Variants in ATP6V1C2 observed in about 807,000 individuals in gnomAD.
ATP6V1C2 encodes V-type proton ATPase subunit C 2.
A neutral mutation model predicts 56.8 loss-of-function variants in ATP6V1C2; 45 were observed. That is an observed-to-expected ratio of 0.79 (90% confidence interval 0.62 to 1.02). ATP6V1C2 has a LOEUF of 1.02. ATP6V1C2 is among the 50% of genes least tolerant of loss of function. The probability of loss-of-function intolerance (pLI) is 0.00; values close to 1 mark genes in which losing one functional copy is unlikely to be tolerated. For synonymous variants in ATP6V1C2, 220 were observed against 201.3 expected, an observed-to-expected ratio of 1.09 and a Z score of -0.79; for missense variants, 463 against 519.7, an observed-to-expected ratio of 0.89 and a Z score of 1.06.
At chr2:10,731,699 C>T (rs952692575) in intron 3 of ATP6V1C2, among the ~76,000 whole-genome samples, 1 of 152,132 alleles carries the variant, frequency 6.6e-6, no homozygotes, top group African/African-American at 2.4e-5. Flanking sequence ...CTGGGCCAAG[C>T]GCAGTAGCTC....
intron 5 of ATP6V1C2, among the ~76,000 whole-genome samples, chr2:10,766,135 C>T (rs754613079): frequency 7.0e-4 from 107 of 152,256 alleles, no homozygotes; most frequent in Admixed American, 6.5e-4. Context: ...CCAGAGCCTG[C>T]GGATTGTGCT....
In ATP6V1C2 at chr2:10,768,914, TGA is replaced by T. The variant is rs1405622524; in HGVS notation, c.470+108_470+109del. Reference sequence around the variant, plus strand: ...CCACCTGGGAGTCTGTGCCCATGCATGAGAGTGAGACAGACAGACAGGTGGAG... The same window carrying T: ...CCACCTGGGAGTCTGTGCCCATGCATGAGTGAGACAGACAGACAGGTGGAG... On this transcript the variant is annotated intron_variant, in intron 6 of 13. Transcript: ENST00000272238. The T allele has an allele frequency of 5.6e-6, 5 of 890,494 alleles. No individual in the cohort carries two copies. The African/African-American group carries it at 8.2e-5, about 15-fold the overall frequency. 55.2% of individuals were successfully genotyped at this position (890,494 alleles called of 1,614,324 possible). A position where few individuals can be genotyped will look rare whatever the true frequency, so the allele number is the denominator to read the frequency against.
chr2:10,724,357 A>G (rs1281153547), intron 2 of ATP6V1C2, among the ~76,000 whole-genome samples: 1 of 152,072 alleles, frequency 6.6e-6, no homozygotes, highest in Non-Finnish European at 1.5e-5. Flanking sequence ...GAAATGCATC[A>G]CCGGGAAGCT....
At chr2:10,769,303 C>T in intron 6 of ATP6V1C2, among the ~76,000 whole-genome samples, 1 of 152,216 alleles carries the variant, frequency 6.6e-6, no homozygotes, top group East Asian at 1.9e-4. Flanking sequence ...ACAGACAGAA[C>T]AGTCACCAGG....
intron 6 of ATP6V1C2, among the ~76,000 whole-genome samples, chr2:10,770,940 T>A (rs1664561352): frequency 6.6e-6 from 1 of 152,186 alleles, no homozygotes; most frequent in Non-Finnish European, 1.5e-5. Context: ...GAAAGTTGGC[T>A]TCGTGTTGGG....
intron 4 of ATP6V1C2, among the ~76,000 whole-genome samples, chr2:10,754,311 C>T (rs554095409): frequency 1.3e-5 from 2 of 152,136 alleles, no homozygotes; most frequent in Non-Finnish European, 2.9e-5. Context: ...CTGCAACCTC[C>T]GCCGCCCGGG....
At position 10,784,793 on chromosome 2, in the gene ATP6V1C2, G is replaced by T; in HGVS notation, c.*1530G>T. The T allele has an allele frequency of 1.6e-6, 1 of 621,342 alleles. No individual in the cohort carries two copies. The allele number at this position is 621,342 out of a possible 1,614,324, so 38.5% of individuals were successfully genotyped here. The stretch of plus-strand genomic sequence containing the variant: ...TGATAAGGAAGATGAAGGGTCTTCA[G>T]AGAAGAACCTCTTAAAAGGCCCACG... On this transcript the variant is annotated 3_prime_UTR_variant, in exon 14 of 14. Coordinates refer to ENST00000272238, the MANE Select transcript of ATP6V1C2 (RefSeq NM_001039362.2).
intron 6 of ATP6V1C2, among the ~76,000 whole-genome samples, chr2:10,770,254 C>T (rs1461437967): frequency 2.6e-5 from 4 of 152,020 alleles, no homozygotes; most frequent in African/African-American, 9.7e-5. Flanking sequence ...CAAAATTAGC[C>T]GTGCGTCATG....
chr2:10,757,035 G>A (rs946597015), intron 4 of ATP6V1C2, among the ~76,000 whole-genome samples: 3 of 87,640 alleles, frequency 3.4e-5, no homozygotes, highest in Admixed American at 1.6e-4. Flanking sequence ...TTTTTTTTGA[G>A]ACAGTCTCAC....
intron 5 of ATP6V1C2, among the ~76,000 whole-genome samples, chr2:10,767,031 A>G (rs1302743460): frequency 1.3e-5 from 2 of 152,144 alleles, no homozygotes; most frequent in Non-Finnish European, 2.9e-5. Context: ...TAAAAGTTTT[A>G]AAAAAATTAT....
At chr2:10,771,548 G>A (rs1664600542) in intron 6 of ATP6V1C2, among the ~76,000 whole-genome samples, 2 of 152,238 alleles carry the variant, frequency 1.3e-5, no homozygotes, top group South Asian at 2.1e-4. Flanking sequence ...GGTCACTGAG[G>A]TGTTGGATTC....
chr2:10,754,260 C>T (rs1218028386), intron 4 of ATP6V1C2, among the ~76,000 whole-genome samples, 194 bp downstream of exon 4: 1 of 151,954 alleles, frequency 6.6e-6, no homozygotes, highest in African/African-American at 2.4e-5. Flanking sequence ...ACAGAGTCTC[C>T]CTCTGTTGCC....
At chr2:10,736,179 T>TA (rs1223756965) in intron 3 of ATP6V1C2, among the ~76,000 whole-genome samples, 1 of 152,162 alleles carries the variant, frequency 6.6e-6, no homozygotes, top group Admixed American at 6.5e-5. Context: ...TCCCAGGTGA[T>TA]ACTGATGCTG....
intron 4 of ATP6V1C2, among the ~76,000 whole-genome samples, chr2:10,755,442 A>G (rs2148462455): frequency 6.6e-6 from 1 of 152,294 alleles, no homozygotes; most frequent in African/African-American, 2.4e-5. Flanking sequence ...TTGGCCTCCC[A>G]AAGTGCTGGG....
rs769722387 is a variant in ATP6V1C2, at chr2:10,778,652, T to C, written c.1044T>C (p.Phe348=). ...AWIHIKALRV[F]VESVLRYGLP... ...TCCACATCAAGGCCCTGAGAGTGTT[T>C]GTGGAGTCCGTGCTCAGGTGCGTGG... The change falls in exon 12 of 14, where the codon TTT becomes TTC. Residue 348 remains phenylalanine, a synonymous_variant. Transcript: ENST00000272238. The C allele has an allele frequency of 1.2e-6, 2 of 1,614,156 alleles. No individual in the cohort carries two copies. The highest frequency in any genetic ancestry group is 2.2e-5 in the South Asian group (2 of 91,078).
intron 5 of ATP6V1C2, chr2:10,767,803 A>G (rs1397487440): frequency 6.6e-6 from 1 of 152,134 alleles, no homozygotes; most frequent in African/African-American, 2.4e-5. Context: ...TATCATTTTA[A>G]TTATATTTAT....
At chr2:10,739,263 A>G (rs181488129) in intron 3 of ATP6V1C2, among the ~76,000 whole-genome samples, 84 of 152,092 alleles carry the variant, frequency 5.5e-4, no homozygotes, top group African/African-American at 1.9e-3. Context: ...AGCCTGGGCA[A>G]TAAGAGCAAA....
In ATP6V1C2 at chr2:10,785,063, ATT is replaced by A; in HGVS notation, c.*1802_*1803del. 1 of 1,353,570 alleles carries A rather than the reference ATT, an allele frequency of 7.4e-7. No homozygotes were observed. Among genetic ancestry groups the A allele is most frequent in the Admixed American group, 2.0e-5 (1 of 51,146 alleles). The allele number at this position is 1,353,570 out of a possible 1,614,324, so 83.8% of individuals were successfully genotyped here. A position where few individuals can be genotyped will look rare whatever the true frequency, so the allele number is the denominator to read the frequency against. On this transcript the variant is annotated 3_prime_UTR_variant, in exon 14 of 14. Coordinates refer to ENST00000272238, the MANE Select transcript of ATP6V1C2 (RefSeq NM_001039362.2). ...AAAAATGACCAAAACACACACACAC[ATT>A]TACAATGGACTGCTGGTGCAGAAGA... is the stretch of plus-strand genomic sequence containing the variant.
chr2:10,730,738 C>T (rs1283383124), intron 3 of ATP6V1C2, among the ~76,000 whole-genome samples: 5 of 150,942 alleles, frequency 3.3e-5, no homozygotes, highest in South Asian at 2.1e-4. Flanking sequence ...CTGCAACCTC[C>T]GCCTCCTGGG....
Sources: allele counts gnomAD v4.1 joint callset (sites outside exome capture counted in the v4.1 genomes callset), GRCh38; gene constraint gnomAD v4.1.1; transcripts MANE v1.5; gene names NCBI Gene and HGNC (gene_info 2026-07-23, HGNC 2026-07-21).